Variants in TACC2 observed in about 807,000 individuals in gnomAD.
TACC2 encodes transforming acidic coiled-coil-containing protein 2.
In TACC2, 137 loss-of-function variants were observed where a neutral mutation model predicts 227.3. That is an observed-to-expected ratio of 0.60 (90% CI 0.52 to 0.69). TACC2 has a LOEUF of 0.69. Among genes scored for constraint, TACC2 ranks in the 30% least tolerant of loss-of-function variants. TACC2 has a pLI of 0.00. For missense variants in TACC2, 3,470 were observed against 3,694.4 expected (o/e 0.94, Z 1.57); for synonymous variants, 1,523 against 1,487.5 (o/e 1.02, Z -0.55).
intron 5 of TACC2, among the ~76,000 whole-genome samples, chr10:122,114,901 G>A (rs1312860329): frequency 2.0e-5 from 3 of 152,152 alleles, no homozygotes; most frequent in Non-Finnish European, 4.4e-5. Flanking sequence ...TTCAAGAAAC[G>A]TGCTTGAACA....
At chr10:122,078,536 T>C (rs2079096302) in intron 3 of TACC2, among the ~76,000 whole-genome samples, 1 of 152,214 alleles carries the variant, frequency 6.6e-6, no homozygotes, top group South Asian at 2.1e-4. Context: ...ATGGAGGCTC[T>C]AGTCCCTGGG....
At chr10:122,232,250 A>T (rs2095768221) in intron 16 of TACC2, among the ~76,000 whole-genome samples, 1 of 152,206 alleles carries the variant, frequency 6.6e-6, no homozygotes, top group Admixed American at 6.5e-5. Flanking sequence ...TAAAGACAGA[A>T]TGAATTGCAT....
chr10:122,074,417 T>C (rs1591712917), intron 3 of TACC2, among the ~76,000 whole-genome samples: 1 of 152,248 alleles, frequency 6.6e-6, no homozygotes, highest in African/African-American at 2.4e-5. Flanking sequence ...CAGTCATATA[T>C]TAGAAGCACT....
At chr10:122,029,408 T>C (rs1290437765) in intron 2 of TACC2, among the ~76,000 whole-genome samples, 1 of 152,178 alleles carries the variant, frequency 6.6e-6, no homozygotes, top group African/African-American at 2.4e-5. Flanking sequence ...TTGCTAACAC[T>C]TTGTTGAAGA....
intron 5 of TACC2, among the ~76,000 whole-genome samples, chr10:122,119,822 C>A (rs975549510): frequency 7.9e-5 from 12 of 151,594 alleles, no homozygotes; most frequent in Non-Finnish European, 1.3e-4. Context: ...GGGAGGCTGA[C>A]GCAGGAGAAT....
intron 6 of TACC2, among the ~76,000 whole-genome samples, chr10:122,137,606 C>A (rs1411426426): frequency 6.6e-6 from 1 of 152,200 alleles, no homozygotes; most frequent in Middle Eastern, 3.2e-3. Flanking sequence ...CAGAGAGGTC[C>A]CCTGAGAACT....
chr10:122,022,214 TA>T (rs1236777418), intron 2 of TACC2, 200 bp downstream of exon 2: 3 of 554,186 alleles, frequency 5.4e-6, no homozygotes, highest in Non-Finnish European at 9.6e-6. Context: ...TAGCTCTAGT[TA>T]AAGCCGGAAA....
chr10:122,020,716 C>G (rs1957227397), intron 1 of TACC2, among the ~76,000 whole-genome samples: 1 of 152,130 alleles, frequency 6.6e-6, no homozygotes. Context: ...CTTTTCCAGC[C>G]TGAGTTCCCC....
intron 16 of TACC2, among the ~76,000 whole-genome samples, chr10:122,237,104 AAATGG>A (rs1416904078): frequency 6.6e-6 from 1 of 152,210 alleles, no homozygotes; most frequent in Admixed American, 6.5e-5. Flanking sequence ...AGTGAGTGAT[AAATGG>A]CAGAGATAAG....
chr10:122,195,085 C>A lies in TACC2; in HGVS notation c.5880C>A (p.Thr1960=). 1 of 1,613,886 alleles carries A rather than the reference C, an allele frequency of 6.2e-7. No individual in the cohort carries two copies. The highest frequency in any genetic ancestry group is 8.5e-7 in the Non-Finnish European group (1 of 1,179,878). Residue 1960 remains threonine, a synonymous_variant, in exon 8 of 23, where the codon ACC becomes ACA. Coordinates refer to ENST00000369005, the MANE Select transcript of TACC2 (RefSeq NM_206862.4). ...EEAFETPEST[T]PVKAPPAPPP... The stretch of plus-strand genomic sequence containing the variant: ...CATTTGAGACCCCGGAGTCAACGAC[C>A]CCTGTCAAAGCTCCGCCAGCTCCAC...
intron 7 of TACC2, among the ~76,000 whole-genome samples, chr10:122,168,612 G>A (rs1297499311): frequency 6.6e-6 from 1 of 152,170 alleles, no homozygotes; most frequent in Non-Finnish European, 1.5e-5. Flanking sequence ...CATCCAAGGG[G>A]CCATGCCATG....
chr10:122,231,072 T>A (rs913967595), intron 16 of TACC2, among the ~76,000 whole-genome samples: 13 of 152,214 alleles, frequency 8.5e-5, no homozygotes, highest in Non-Finnish European at 1.8e-4. Context: ...TTTGTTTTTT[T>A]ACAAAAAACG....
intron 18 of TACC2, among the ~76,000 whole-genome samples, chr10:122,239,559 A>G (rs765564416): frequency 6.6e-6 from 1 of 151,954 alleles, no homozygotes; most frequent in African/African-American, 2.4e-5. Context: ...TTTTTCTCTT[A>G]TTTGGGGGTA....
At chr10:122,016,670 C>T (rs1956686450) in intron 1 of TACC2, among the ~76,000 whole-genome samples, 1 of 152,064 alleles carries the variant, frequency 6.6e-6, no homozygotes, top group Admixed American at 6.6e-5. Flanking sequence ...CCATTCTGAG[C>T]ACTGTGGGGT....
rs560138727 is a variant in TACC2 at position 122,251,855 on chromosome 10, A to C, written c.8782-2136A>C. Reference sequence around the variant, plus strand: ...TCCATCAGGGTTTGATGGTGTTTAAATTGCATTATCTTAAACTGAACTTCC... The same window carrying C: ...TCCATCAGGGTTTGATGGTGTTTAACTTGCATTATCTTAAACTGAACTTCC... On this transcript the variant is annotated intron_variant, in intron 22 of 22. Transcript: ENST00000369005. Among the ~76,000 whole-genome samples, 39 of 152,348 alleles carry C rather than the reference A, an allele frequency of 2.6e-4. No individual in the cohort carries two copies. In the South Asian group the frequency reaches 5.4e-3, roughly 21 times the overall value.
intron 3 of TACC2, among the ~76,000 whole-genome samples, chr10:122,076,924 G>A (rs2078882389): frequency 6.6e-6 from 1 of 152,008 alleles, no homozygotes; most frequent in African/African-American, 2.4e-5. Flanking sequence ...AGACCAGCCT[G>A]GCCAACATAA....
At chr10:122,109,024 C>T (rs1012223314) in intron 5 of TACC2, among the ~76,000 whole-genome samples, 3 of 152,214 alleles carry the variant, frequency 2.0e-5, no homozygotes, top group Non-Finnish European at 2.9e-5. Flanking sequence ...TGAGCCATGG[C>T]GCCTGGCCTA....
At chr10:122,181,667 G>A (rs1451198760) in intron 7 of TACC2, among the ~76,000 whole-genome samples, 1 of 152,210 alleles carries the variant, frequency 6.6e-6, no homozygotes, top group Non-Finnish European at 1.5e-5. Flanking sequence ...CCTACAAGAT[G>A]TCAGAATCGT....
intron 3 of TACC2, among the ~76,000 whole-genome samples, chr10:122,053,716 C>T (rs539384864): frequency 6.6e-6 from 1 of 152,306 alleles, no homozygotes; most frequent in African/African-American, 2.4e-5. Context: ...TAGAGAGGGA[C>T]TCTCAGAGGT....
Sources: allele counts gnomAD v4.1 joint callset (sites outside exome capture counted in the v4.1 genomes callset), GRCh38; gene constraint gnomAD v4.1.1; transcripts MANE v1.5; gene names NCBI Gene and HGNC (gene_info 2026-07-23, HGNC 2026-07-21).